The following OXSR1 variants were observed in gnomAD, a reference collection of about 807,000 sequenced individuals.
OXSR1 encodes the protein serine/threonine-protein kinase OSR1.
Under a neutral mutation model 79.8 loss-of-function variants are expected in OXSR1, and 24 were observed. The observed-to-expected ratio is 0.30, with a 90% CI of 0.22 to 0.42. The LOEUF is 0.42. OXSR1 is among the 10% of genes least tolerant of loss of function. The probability of loss-of-function intolerance (pLI) is 1.00; values close to 1 mark genes in which losing one functional copy is unlikely to be tolerated. For missense variants in OXSR1, 430 were observed against 618.4 expected, an observed-to-expected ratio of 0.70 and a Z score of 3.23; for synonymous variants, 226 against 209.2, an observed-to-expected ratio of 1.08 and a Z score of -0.69.
intron 9 of OXSR1, 107 bp from the exon 10 acceptor site, chr3:38,230,258 T>C (rs1206894078): frequency 1.4e-6 from 1 of 733,822 alleles, no homozygotes; most frequent in Non-Finnish European, 2.4e-6. Context: ...CACACTTCAT[T>C]ACAGAACAGT....
At chr3:38,184,083 G>T (rs1701835277) in intron 2 of OXSR1, among the ~76,000 whole-genome samples, 1 of 152,124 alleles carries the variant, frequency 6.6e-6, no homozygotes, top group African/African-American at 2.4e-5. Flanking sequence ...TGCTAGAAAG[G>T]TCGGGTATTA....
chr3:38,169,140 A>G (rs1575301046), intron 1 of OXSR1, among the ~76,000 whole-genome samples: 1 of 152,188 alleles, frequency 6.6e-6, no homozygotes, highest in East Asian at 1.9e-4. Flanking sequence ...CCTAGTGACT[A>G]TGAAGTGGTA....
In OXSR1 at chr3:38,165,577, G is replaced by T. The variant is rs35572366; in HGVS notation, c.-300G>T. 1.2e-3 allele frequency: 501 copies of T among 410,710 alleles called. 4 individuals carry two copies. The highest frequency in any genetic ancestry group is 0.01 in the African/African-American group (479 of 46,708). The allele number at this position is 410,710 out of a possible 1,614,324, so 25.4% of individuals were successfully genotyped here. A position where few individuals can be genotyped will look rare whatever the true frequency, so the allele number is the denominator to read the frequency against. ...CTGGGGTGGAGGGCGGGACAGAGGG[G>T]CTGGGCCCAGGCAAAGCTTCTGTCG... On this transcript the variant is annotated 5_prime_UTR_variant, in exon 1 of 18. Transcript: ENST00000311806.
Position 38,165,779 on chromosome 3 carries a change from C to T in OXSR1, c.-98C>T. Reference sequence around the variant, plus strand: ...TCCGAGACGATTGGTGGGGGCGCGGCGGCGGCGGCGGCGGCTGTTGGGGGT... The same window carrying T: ...TCCGAGACGATTGGTGGGGGCGCGGTGGCGGCGGCGGCGGCTGTTGGGGGT... On this transcript the variant is annotated 5_prime_UTR_variant, in exon 1 of 18. Coordinates refer to ENST00000311806, the MANE Select transcript of OXSR1 (RefSeq NM_005109.3). 1 of 1,063,062 alleles carries T rather than the reference C, an allele frequency of 9.4e-7. No individual in the cohort carries two copies. The highest frequency in any genetic ancestry group is 1.4e-6 in the Non-Finnish European group (1 of 719,462). 65.9% of individuals were successfully genotyped at this position (1,063,062 alleles called of 1,614,324 possible).
intron 4 of OXSR1, among the ~76,000 whole-genome samples, chr3:38,214,126 G>T (rs1702439196): frequency 2.0e-5 from 3 of 151,460 alleles, no homozygotes; most frequent in Non-Finnish European, 4.4e-5. Flanking sequence ...AGCAGGGAGG[G>T]AACAGTGTGT....
At chr3:38,190,189 A>G (rs919032351) in intron 2 of OXSR1, among the ~76,000 whole-genome samples, 7 of 152,202 alleles carry the variant, frequency 4.6e-5, no homozygotes, top group African/African-American at 1.7e-4. Flanking sequence ...GTTTAAAATC[A>G]TAAGCTGAGA....
intron 4 of OXSR1, among the ~76,000 whole-genome samples, chr3:38,205,406 C>G (rs529083759): frequency 1.3e-5 from 2 of 152,248 alleles, no homozygotes; most frequent in African/African-American, 4.8e-5. Context: ...TTTCTAAGTT[C>G]AGTTTCTGTT....
intron 2 of OXSR1, among the ~76,000 whole-genome samples, chr3:38,188,057 G>T (rs1701915917): frequency 6.6e-6 from 1 of 152,174 alleles, no homozygotes; most frequent in Admixed American, 6.5e-5. Flanking sequence ...CCCCTTTAAA[G>T]GAATAGAAGG....
intron 2 of OXSR1, among the ~76,000 whole-genome samples, chr3:38,189,966 A>C (rs1701952623): frequency 6.6e-6 from 1 of 152,204 alleles, no homozygotes; most frequent in Admixed American, 6.5e-5. Flanking sequence ...TTGGAAGCTA[A>C]GAGAAGGAGC....
intron 7 of OXSR1, 76 bp from the exon 8 acceptor site, chr3:38,224,495 A>G (rs1229514390): frequency 8.6e-7 from 1 of 1,156,662 alleles, no homozygotes; most frequent in Non-Finnish European, 1.2e-6. Flanking sequence ...GGGTGCCTGT[A>G]TTGAAAAATC....
intron 10 of OXSR1, among the ~76,000 whole-genome samples, chr3:38,235,276 G>C (rs1429484257): frequency 6.6e-6 from 1 of 152,024 alleles, no homozygotes; most frequent in Non-Finnish European, 1.5e-5. Context: ...ACCAGGACCA[G>C]TACCAACAAA....
intron 15 of OXSR1, 79 bp from the exon 16 acceptor site, chr3:38,251,324 T>C: frequency 3.4e-6 from 4 of 1,181,384 alleles, no homozygotes; most frequent in Non-Finnish European, 5.1e-6. Flanking sequence ...CATGGCACAC[T>C]GACACCCACA....
At chr3:38,193,232 T>G (rs1439391600) in intron 3 of OXSR1, 2 of 1,277,052 alleles carry the variant, frequency 1.6e-6, no homozygotes, top group African/African-American at 3.0e-5. Flanking sequence ...CCTTGTTATT[T>G]GATGCTTTTC....
intron 11 of OXSR1, among the ~76,000 whole-genome samples, chr3:38,242,371 A>C (rs985265526): frequency 2.0e-5 from 3 of 152,184 alleles, no homozygotes; most frequent in African/African-American, 7.2e-5. Flanking sequence ...TGTGTTGGAT[A>C]ATTAGCTTAA....
At chr3:38,205,778 G>C (rs1196722686) in intron 4 of OXSR1, among the ~76,000 whole-genome samples, 2 of 152,192 alleles carry the variant, frequency 1.3e-5, no homozygotes, top group African/African-American at 4.8e-5. Context: ...GGGCCAGAAA[G>C]TGATGGGGCT....
chr3:38,178,365 A>T (rs1701713007), intron 1 of OXSR1, among the ~76,000 whole-genome samples: 1 of 152,094 alleles, frequency 6.6e-6, no homozygotes, highest in South Asian at 2.1e-4. Context: ...GTGTTTATTG[A>T]GAGATTTTCA....
intron 10 of OXSR1, among the ~76,000 whole-genome samples, chr3:38,234,312 C>T (rs1004580977): frequency 6.6e-6 from 1 of 152,116 alleles, no homozygotes; most frequent in Non-Finnish European, 1.5e-5. Context: ...AGTGAAAAGA[C>T]AACCTACAGA....
At chr3:38,166,094 T>TC in intron 1 of OXSR1, 148 bp downstream of exon 1, 1 of 710,814 alleles carries the variant, frequency 1.4e-6, no homozygotes, top group South Asian at 1.7e-5. Context: ...GACGCTTGTG[T>TC]CGAGGAGCGC....
At position 38,254,489 on chromosome 3, in the gene OXSR1, C is replaced by T; in HGVS notation, c.*1598C>T. ...GGAGAGTAGGTGAGATGATCAGACACCGGAGTTCAACGTCCCAGCAGTCTT... is the reference window on the plus strand; with the variant it reads ...GGAGAGTAGGTGAGATGATCAGACATCGGAGTTCAACGTCCCAGCAGTCTT... On this transcript the variant is annotated 3_prime_UTR_variant, in exon 18 of 18. Coordinates refer to ENST00000311806, the MANE Select transcript of OXSR1 (RefSeq NM_005109.3). The T allele has an allele frequency of 5.4e-6, 2 of 373,328 alleles. No individual in the cohort carries two copies. Among genetic ancestry groups the T allele is most frequent in the Middle Eastern group, 6.9e-4 (1 of 1,456 alleles). The allele number at this position is 373,328 out of a possible 1,614,324, so 23.1% of individuals were successfully genotyped here. A position where few individuals can be genotyped will look rare whatever the true frequency, so the allele number is the denominator to read the frequency against.
Sources: gnomAD v4.1 joint callset for allele counts (sites outside exome capture counted in the v4.1 genomes callset) on GRCh38, gnomAD v4.1.1 for gene constraint, MANE v1.5 for transcripts, NCBI Gene and HGNC (gene_info 2026-07-23, HGNC 2026-07-21) for gene names.